Variants in DAB1 observed in about 807,000 individuals in gnomAD.
The protein encoded by DAB1 is DAB adaptor protein 1, also known as disabled homolog 1.
In DAB1, 15 loss-of-function variants were observed where a neutral mutation model predicts 64.6. The ratio of observed to expected loss-of-function variants is 0.23; its 90% confidence interval spans 0.16 to 0.36. DAB1 has a LOEUF of 0.36. Among genes scored for constraint, DAB1 ranks in the 10% least tolerant of loss-of-function variants. The pLI, the probability that DAB1 is intolerant of heterozygous loss-of-function variation, is 1.00. For missense variants in DAB1, 596 were observed against 706.7 expected (o/e 0.84, Z 1.78); for synonymous variants, 235 against 251.9 (o/e 0.93, Z 0.64).
intron 4 of DAB1, among the ~76,000 whole-genome samples, chr1:58,173,131 G>A (rs1656270871): frequency 6.6e-6 from 1 of 152,240 alleles, no homozygotes. Context: ...AGGATGCTTG[G>A]TATGGAACAA....
chr1:58,503,470 T>C (rs1049901703), intron 3 of DAB1, among the ~76,000 whole-genome samples: 1 of 152,080 alleles, frequency 6.6e-6, no homozygotes, highest in African/African-American at 2.4e-5. Flanking sequence ...ACAAATGAAA[T>C]CTAGTTAAGA....
At chr1:58,356,328 T>C (rs188472740) in intron 3 of DAB1, among the ~76,000 whole-genome samples, 190 of 152,292 alleles carry the variant, frequency 1.2e-3, no homozygotes, top group African/African-American at 4.2e-3. Flanking sequence ...TAGAACACTA[T>C]AGCTGGTACA....
At chr1:58,447,866 A>C (rs995950961) in intron 3 of DAB1, among the ~76,000 whole-genome samples, 2 of 152,076 alleles carry the variant, frequency 1.3e-5, no homozygotes, top group African/African-American at 4.8e-5. Flanking sequence ...ACAAAAAAAA[A>C]AAAAAAGTCT....
chr1:57,293,833 A>C (rs6676928), intron 1 of DAB1, among the ~76,000 whole-genome samples: 2,091 of 152,242 alleles, frequency 0.014, 51 homozygotes, highest in African/African-American at 0.048. Flanking sequence ...AACCTTATAA[A>C]TCACAATATA....
intron 7 of DAB1, among the ~76,000 whole-genome samples, chr1:57,536,736 A>T (rs1570605905): frequency 6.7e-6 from 1 of 149,544 alleles, no homozygotes; most frequent in Admixed American, 6.7e-5. Context: ...TCCTCTCCAA[A>T]CTCCTTTCCT....
chr1:58,149,535 C>T (rs1654801382), intron 5 of DAB1, among the ~76,000 whole-genome samples: 2 of 152,152 alleles, frequency 1.3e-5, no homozygotes, highest in African/African-American at 4.8e-5. Flanking sequence ...CGGGTTCATA[C>T]AGGGCTTCGG....
At chr1:57,632,858 T>G (rs936446854) in intron 7 of DAB1, among the ~76,000 whole-genome samples, 1 of 152,236 alleles carries the variant, frequency 6.6e-6, no homozygotes, top group Non-Finnish European at 1.5e-5. Context: ...GTTGTAGTAC[T>G]ATGTGTTTTA....
chr1:57,292,371 T>A (rs77724010), intron 1 of DAB1, among the ~76,000 whole-genome samples: 4,742 of 152,270 alleles, frequency 0.031, 73 homozygotes, highest in Non-Finnish European at 0.038. Context: ...ACCTATTTTT[T>A]AAAAAGGAAA....
At chr1:58,354,532 A>G (rs940158230) in intron 3 of DAB1, among the ~76,000 whole-genome samples, 1 of 152,218 alleles carries the variant, frequency 6.6e-6, no homozygotes, top group Non-Finnish European at 1.5e-5. Flanking sequence ...CAAGTCGAAC[A>G]GTGAGTAGTT....
At chr1:58,408,203 C>A (rs1471289305) in intron 3 of DAB1, among the ~76,000 whole-genome samples, 4 of 152,180 alleles carry the variant, frequency 2.6e-5, no homozygotes, top group Admixed American at 6.5e-5. Context: ...AGTGATCTGA[C>A]AGAGAGGCTC....
intron 1 of DAB1, among the ~76,000 whole-genome samples, chr1:57,840,682 AG>A (rs1653009896): frequency 6.6e-6 from 1 of 152,110 alleles, no homozygotes; most frequent in East Asian, 1.9e-4. Context: ...AGAGTGAGCA[AG>A]GGGGGCAAGT....
chr1:57,110,601 G>A (rs1655567069), intron 4 of DAB1, among the ~76,000 whole-genome samples: 1 of 152,140 alleles, frequency 6.6e-6, no homozygotes, highest in African/African-American at 2.4e-5. Flanking sequence ...CAGGAACTGG[G>A]CCAGATAATC....
At position 58,263,141 on chromosome 1, in the gene DAB1, T is replaced by C. The variant is rs559040433; in HGVS notation, n.309+80211A>G. Among the ~76,000 whole-genome samples, 39 of 152,304 alleles carry C rather than the reference T, an allele frequency of 2.6e-4. 2 individuals are homozygous for C. In the South Asian group the frequency reaches 7.0e-3, roughly 28 times the overall value. On this transcript the variant is annotated intron_variant and non_coding_transcript_variant, in intron 4 of 20. Transcript: ENST00000485760. ...ATGTAATATGGCATAGAGAACAAGATAATATGGAAAACAGAGGCCAATTAA... is the reference window on the plus strand; with the variant it reads ...ATGTAATATGGCATAGAGAACAAGACAATATGGAAAACAGAGGCCAATTAA...
intron 3 of DAB1, among the ~76,000 whole-genome samples, chr1:58,410,874 T>C (rs1199446980): frequency 1.3e-5 from 2 of 152,180 alleles, no homozygotes; most frequent in East Asian, 3.8e-4. Context: ...AGCCAAACAT[T>C]TGCAGTCTGC....
chr1:57,619,042 C>T (rs932936246), intron 7 of DAB1, among the ~76,000 whole-genome samples: 14 of 152,244 alleles, frequency 9.2e-5, no homozygotes, highest in East Asian at 3.9e-4. Context: ...GAGTATGTTA[C>T]GTAGGTGTTT....
At chr1:57,913,600 TAACTA>T (rs1454866161) in intron 5 of DAB1, among the ~76,000 whole-genome samples, 5 of 152,270 alleles carry the variant, frequency 3.3e-5, no homozygotes, top group South Asian at 2.1e-4. Flanking sequence ...AAAGGAGATC[TAACTA>T]AACTAAAGAG....
intron 3 of DAB1, among the ~76,000 whole-genome samples, chr1:58,438,765 A>G (rs1644973263): frequency 6.6e-6 from 1 of 152,218 alleles, no homozygotes; most frequent in Non-Finnish European, 1.5e-5. Flanking sequence ...TTAGTTCTAC[A>G]CCAGAGCTTC....
intron 1 of DAB1, among the ~76,000 whole-genome samples, chr1:57,378,539 T>C (rs796929350): frequency 7.2e-5 from 11 of 152,322 alleles, no homozygotes; most frequent in African/African-American, 2.6e-4. Flanking sequence ...ATTAGGTGTC[T>C]CTGTGAAATT....
intron 7 of DAB1, among the ~76,000 whole-genome samples, chr1:57,527,808 C>G (rs1417495299): frequency 6.6e-6 from 1 of 152,068 alleles, no homozygotes; most frequent in Non-Finnish European, 1.5e-5. Flanking sequence ...GAGAAAGAAC[C>G]AGGCAGACTT....
Sources: allele counts gnomAD v4.1 joint callset (sites outside exome capture counted in the v4.1 genomes callset), GRCh38; gene constraint gnomAD v4.1.1; transcripts MANE v1.5; gene names NCBI Gene and HGNC (gene_info 2026-07-23, HGNC 2026-07-21).